PCDHGB5: variants seen among roughly 807,000 people sequenced by gnomAD.
PCDHGB5 encodes protocadherin gamma-B5.
A neutral mutation model predicts 62.9 loss-of-function variants in PCDHGB5; 48 were observed. The ratio of observed to expected loss-of-function variants is 0.76; its 90% CI spans 0.61 to 0.97. The LOEUF (loss-of-function observed/expected upper bound fraction) is 0.97, where lower values mean the gene tolerates loss of function less well. Among genes scored for constraint, PCDHGB5 ranks in the 50% least tolerant of loss-of-function variants. The probability of loss-of-function intolerance (pLI) is 0.00; values close to 1 mark genes in which losing one functional copy is unlikely to be tolerated. For missense variants in PCDHGB5, 1,118 were observed against 1,198.6 expected (o/e 0.93, Z 0.99); for synonymous variants, 474 against 511.2 (o/e 0.93, Z 0.98).
chr5:141,469,676 A>G (rs1227075639), intron 1 of PCDHGB5, among the ~76,000 whole-genome samples: 1 of 152,250 alleles, frequency 6.6e-6, no homozygotes, highest in African/African-American at 2.4e-5. Context: ...ATAAAACTAC[A>G]TATGCATTGG....
intron 2 of PCDHGB5, among the ~76,000 whole-genome samples, chr5:141,495,389 C>T (rs966648925): frequency 2.0e-5 from 3 of 152,204 alleles, no homozygotes; most frequent in African/African-American, 7.2e-5. Context: ...CTGGGCGGGG[C>T]ATGGAGCAGG....
chr5:141,465,519 T>C (rs2099104752), intron 1 of PCDHGB5, among the ~76,000 whole-genome samples: 1 of 152,224 alleles, frequency 6.6e-6, no homozygotes, highest in East Asian at 1.9e-4. Context: ...GGAAGGATTC[T>C]GGGGAAGTTT....
rs967535805 is a variant in PCDHGB5 at position 141,490,206 on chromosome 5, C to T, written c.2398-4601C>T. 2.4e-5 allele frequency: 38 copies of T among 1,614,050 alleles called. No homozygotes were observed. In the Admixed American group the frequency reaches 5.0e-4, roughly 21 times the overall value. ...GTTTCTATGAAATTCATGCAAGAGCCCGTGACCAGGGACAGCCTGCCATGG... is the reference window on the plus strand; with the variant it reads ...GTTTCTATGAAATTCATGCAAGAGCTCGTGACCAGGGACAGCCTGCCATGG... On this transcript the variant is annotated intron_variant, in intron 1 of 3. Coordinates refer to ENST00000617380, the MANE Select transcript of PCDHGB5 (RefSeq NM_018925.3). This position sits in a 1 kb window ranked among gnomAD's most constrained non-coding sequence, Gnocchi z 5.4.
At chr5:141,416,217 G>A (rs1224952837) in intron 1 of PCDHGB5, 1 of 152,288 alleles carries the variant, frequency 6.6e-6, no homozygotes, top group Non-Finnish European at 1.5e-5. Flanking sequence ...AACAATGTAT[G>A]CTTAGATTTT....
At position 141,486,209 on chromosome 5, in the gene PCDHGB5, A is replaced by C. The variant is rs749965379; in HGVS notation, c.2398-8598A>C. On this transcript the variant is annotated intron_variant, in intron 1 of 3. Transcript: ENST00000617380. The surrounding 1 kb of genome is among the most constrained non-coding windows in gnomAD (Gnocchi z 5.0). ...AGTGGATCTGCTGGACGTAAATGAC[A>C]ATGCCCCTTACATCACAGTGACCTC... 1 of 1,614,080 alleles carries C rather than the reference A, an allele frequency of 6.2e-7. No homozygotes were observed. Among genetic ancestry groups the C allele is most frequent in the South Asian group, 1.1e-5 (1 of 91,078 alleles).
At chr5:141,464,264 A>G (rs1357786078) in intron 1 of PCDHGB5, among the ~76,000 whole-genome samples, 2 of 130,598 alleles carry the variant, frequency 1.5e-5, no homozygotes, top group East Asian at 4.2e-4. Flanking sequence ...GACTCCGTCT[A>G]AAAAAAAAAA....
At chr5:141,408,213 G>A in intron 1 of PCDHGB5, 1 of 1,554,970 alleles carries the variant, frequency 6.4e-7, no homozygotes, top group South Asian at 1.2e-5. Flanking sequence ...ATGGGAGGGA[G>A]CTGCGCGCAG....
intron 1 of PCDHGB5, among the ~76,000 whole-genome samples, chr5:141,457,384 G>A (rs2154565902): frequency 6.6e-6 from 1 of 152,270 alleles, no homozygotes; most frequent in African/African-American, 2.4e-5. Context: ...CCCAGAACTA[G>A]CATATTGATT....
At chr5:141,426,726 G>A (rs916323483) in intron 1 of PCDHGB5, 2 of 448,052 alleles carry the variant, frequency 4.5e-6, no homozygotes, top group South Asian at 1.6e-5. Flanking sequence ...AGCAATTCCA[G>A]GCATTCGGTT....
intron 1 of PCDHGB5, chr5:141,428,187 C>T: frequency 1.4e-6 from 2 of 1,439,502 alleles, no homozygotes; most frequent in Non-Finnish European, 1.9e-6. Context: ...GGACAGCCGC[C>T]GCTCTCTGCG....
intron 2 of PCDHGB5, among the ~76,000 whole-genome samples, chr5:141,502,401 G>A (rs191747075): frequency 2.0e-5 from 3 of 151,874 alleles, no homozygotes; most frequent in Admixed American, 1.3e-4. Flanking sequence ...AAATGTCCCC[G>A]AACCTGGATT....
chr5:141,426,898 C>G (rs1246109323), intron 1 of PCDHGB5: 3 of 456,634 alleles, frequency 6.6e-6, no homozygotes, highest in Admixed American at 4.7e-5. Context: ...CAACAGAGCT[C>G]TCATCTCCTG....
At chr5:141,408,643 C>T (rs751905674) in intron 1 of PCDHGB5, 3 of 1,613,910 alleles carry the variant, frequency 1.9e-6, no homozygotes, top group Non-Finnish European at 1.7e-6. Context: ...AATCTGCATC[C>T]GCTGGTACAC....
rs78612001 is a variant in PCDHGB5 at position 141,432,435 on chromosome 5, C to A, written c.2397+31911C>A. ...TTCGTGCTGGACCAGAACGACAATG[C>A]GCCCGAGATCCTGTACCCCGCCCTC... On this transcript the variant is annotated intron_variant, in intron 1 of 3. Coordinates refer to ENST00000617380, the MANE Select transcript of PCDHGB5 (RefSeq NM_018925.3). The surrounding 1 kb of genome is among the most constrained non-coding windows in gnomAD (Gnocchi z 6.0). The A allele has an allele frequency of 0.027, 43,228 of 1,614,212 alleles. 830 individuals are homozygous for A. The highest frequency in any genetic ancestry group is 0.092 in the African/African-American group (6,903 of 75,054).
rs766133958 is a variant in PCDHGB5, at chr5:141,403,000, A to G, written c.2397+2476A>G. 27 of 1,613,862 alleles carry G rather than the reference A, an allele frequency of 1.7e-5. No individual in the cohort carries two copies. Among genetic ancestry groups the G allele is most frequent in the Middle Eastern group, 1.6e-4 (1 of 6,082 alleles). ...AGCTCCGCGGAAGATTAGTCCTGCT[A>G]TGCTCGCTCCTGGGGATGCTATGGG... On this transcript the variant is annotated intron_variant, in intron 1 of 3. Transcript: ENST00000617380.
intron 1 of PCDHGB5, among the ~76,000 whole-genome samples, chr5:141,426,040 G>C (rs1032424646): frequency 2.0e-5 from 3 of 152,212 alleles, no homozygotes; most frequent in African/African-American, 7.2e-5. Flanking sequence ...GAGCCCTGCT[G>C]TTGGCCAATG....
At chr5:141,423,980 G>A (rs2154550577) in intron 1 of PCDHGB5, 1 of 1,110,878 alleles carries the variant, frequency 9.0e-7, no homozygotes, top group South Asian at 4.5e-5. Flanking sequence ...AGTGTATGAG[G>A]CTCTCAATTT....
At chr5:141,421,985 C>A (rs762388624) in intron 1 of PCDHGB5, 1 of 1,608,432 alleles carries the variant, frequency 6.2e-7, no homozygotes, top group East Asian at 2.2e-5. Flanking sequence ...GTGAGTGTTC[C>A]AGAAAACATC....
Position 141,491,686 on chromosome 5 carries a change from C to A in PCDHGB5, c.2398-3121C>A. The A allele has an allele frequency of 6.2e-7, 1 of 1,612,970 alleles. No homozygotes were observed. The highest frequency in any genetic ancestry group is 8.5e-7 in the Non-Finnish European group (1 of 1,179,558). Reference sequence around the variant, plus strand: ...CATCCGGTCCCGCTCTAATACGCTGCGGGAGCGGAGCCAGGTGAGGGGCTC... The same window carrying A: ...CATCCGGTCCCGCTCTAATACGCTGAGGGAGCGGAGCCAGGTGAGGGGCTC... On this transcript the variant is annotated intron_variant, in intron 1 of 3. Coordinates refer to ENST00000617380, the MANE Select transcript of PCDHGB5 (RefSeq NM_018925.3). The surrounding 1 kb of genome is among the most constrained non-coding windows in gnomAD (Gnocchi z 6.9).
Sources: allele counts gnomAD v4.1 joint callset (sites outside exome capture counted in the v4.1 genomes callset), GRCh38; gene constraint gnomAD v4.1.1; non-coding constraint Gnocchi (gnomAD v3.1); transcripts MANE v1.5; gene names NCBI Gene and HGNC (gene_info 2026-07-23, HGNC 2026-07-21).